Variants in NUDT3 observed in about 807,000 individuals in gnomAD.
NUDT3 encodes the protein diphosphoinositol polyphosphate phosphohydrolase 1.
In NUDT3, 9 loss-of-function variants were observed where a neutral mutation model predicts 23.6. The observed-to-expected ratio is 0.38, with a 90% confidence interval of 0.23 to 0.66. The LOEUF (loss-of-function observed/expected upper bound fraction) is 0.66, where lower values mean the gene tolerates loss of function less well. Among genes scored for constraint, NUDT3 ranks in the 30% least tolerant of loss-of-function variants. NUDT3 has a pLI of 0.52. For missense variants in NUDT3, 172 were observed against 218.5 expected, an observed-to-expected ratio of 0.79 and a Z score of 1.34; for synonymous variants, 86 against 82.6, an observed-to-expected ratio of 1.04 and a Z score of -0.22.
chr6:34,318,280 C>G (rs1336843832), intron 2 of NUDT3, among the ~76,000 whole-genome samples: 3 of 152,110 alleles, frequency 2.0e-5, no homozygotes, highest in Non-Finnish European at 4.4e-5. Context: ...TGCCCAGACT[C>G]TGGAAAAGAT....
At chr6:34,342,288 TCAA>T (rs1229203009) in intron 1 of NUDT3, among the ~76,000 whole-genome samples, 1 of 54,524 alleles carries the variant, frequency 1.8e-5, no homozygotes, top group Non-Finnish European at 3.4e-5. Flanking sequence ...ATAGAAGACT[TCAA>T]AAAAAAAAAA....
chr6:34,338,845 A>G (rs901340853), intron 2 of NUDT3, among the ~76,000 whole-genome samples: 4 of 152,268 alleles, frequency 2.6e-5, no homozygotes, highest in Non-Finnish European at 5.9e-5. Context: ...TATCATTCAC[A>G]GGGAATCTGG....
chr6:34,304,048 T>G (rs1331445883), intron 2 of NUDT3, among the ~76,000 whole-genome samples: 3 of 151,390 alleles, frequency 2.0e-5, no homozygotes, highest in Non-Finnish European at 4.4e-5. Context: ...AGGTCAGGAG[T>G]TCGAGAGTAG....
intron 1 of NUDT3, among the ~76,000 whole-genome samples, chr6:34,367,507 TGTAA>T (rs1156658203): frequency 2.3e-5 from 3 of 131,510 alleles, no homozygotes; most frequent in African/African-American, 8.1e-5. Context: ...GAAAAAAAAA[TGTAA>T]TAAATAAAAG....
chr6:34,358,272 C>T (rs1291892868), intron 1 of NUDT3, among the ~76,000 whole-genome samples: 2 of 151,816 alleles, frequency 1.3e-5, no homozygotes, highest in Non-Finnish European at 2.9e-5. Context: ...CACACACACA[C>T]ACACACACAC....
chr6:34,333,416 A>T (rs577152731), intron 2 of NUDT3, among the ~76,000 whole-genome samples: 3 of 152,242 alleles, frequency 2.0e-5, no homozygotes, highest in Non-Finnish European at 4.4e-5. Context: ...TAGTAACAAA[A>T]GAAACATACA....
At chr6:34,333,367 A>G in intron 2 of NUDT3, among the ~76,000 whole-genome samples, 1 of 152,236 alleles carries the variant, frequency 6.6e-6, no homozygotes, top group East Asian at 1.9e-4. Context: ...AAACTACTGA[A>G]TAATCTCAAT....
At chr6:34,313,787 C>G (rs1474367748) in intron 2 of NUDT3, among the ~76,000 whole-genome samples, 1 of 151,716 alleles carries the variant, frequency 6.6e-6, no homozygotes, top group Non-Finnish European at 1.5e-5. Flanking sequence ...ACAGTGAAAC[C>G]CTATCTCTAC....
chr6:34,288,612 T>A lies in NUDT3; in HGVS notation c.*141A>T. On this transcript the variant is annotated 3_prime_UTR_variant, in exon 5 of 5. Coordinates refer to ENST00000607016, the MANE Select transcript of NUDT3 (RefSeq NM_006703.4). ...CACTTAACACCAAACAGCAACATTA[T>A]CAATACACCCTTTCTTTGCTGCCCA... The A allele has an allele frequency of 2.6e-6, 3 of 1,149,890 alleles. No homozygotes were observed. The highest frequency in any genetic ancestry group is 3.6e-6 in the Non-Finnish European group (3 of 835,718). The allele number at this position is 1,149,890 out of a possible 1,614,324, so 71.2% of individuals were successfully genotyped here.
chr6:34,299,342 T>G (rs1203227081), intron 2 of NUDT3, among the ~76,000 whole-genome samples: 2 of 152,258 alleles, frequency 1.3e-5, no homozygotes, highest in Admixed American at 1.3e-4. Flanking sequence ...GAGTCTTTAT[T>G]TAAAAGTCCA....
chr6:34,302,145 C>T (rs1163304884), intron 2 of NUDT3, among the ~76,000 whole-genome samples: 2 of 151,898 alleles, frequency 1.3e-5, no homozygotes, highest in Non-Finnish European at 2.9e-5. Flanking sequence ...GATCCTCCTG[C>T]CTCAGCCTCC....
chr6:34,301,797 G>C (rs1763601874), intron 2 of NUDT3, among the ~76,000 whole-genome samples: 3 of 152,212 alleles, frequency 2.0e-5, no homozygotes, highest in South Asian at 4.1e-4. Flanking sequence ...CACAGGCAGT[G>C]TATGAGTTGC....
chr6:34,337,533 T>C (rs539314750), intron 2 of NUDT3, among the ~76,000 whole-genome samples: 12 of 152,334 alleles, frequency 7.9e-5, no homozygotes, highest in Admixed American at 2.6e-4. Context: ...AGAAGGATAG[T>C]ATGCAATTTC....
chr6:34,297,760 A>ATATATATATATTTTTTTT (rs1763535832), intron 2 of NUDT3, among the ~76,000 whole-genome samples: 5 of 53,620 alleles, frequency 9.3e-5, no homozygotes, highest in Non-Finnish European at 1.5e-4. Flanking sequence ...TATATATATA[A>ATATATATATATTTTTTTT]TTTTTTTTTT....
chr6:34,338,470 C>G (rs1561911394), intron 2 of NUDT3, among the ~76,000 whole-genome samples: 1 of 152,198 alleles, frequency 6.6e-6, no homozygotes, highest in Non-Finnish European at 1.5e-5. Context: ...ACTCTGTATT[C>G]TTGGTGAGAT....
At chr6:34,372,171 C>G (rs1475578926) in intron 1 of NUDT3, among the ~76,000 whole-genome samples, 1 of 152,134 alleles carries the variant, frequency 6.6e-6, no homozygotes, top group African/African-American at 2.4e-5. Flanking sequence ...GGTTCCAAGT[C>G]TTTGCTATTG....
intron 2 of NUDT3, among the ~76,000 whole-genome samples, chr6:34,311,353 G>A (rs1252398053): frequency 1.3e-5 from 2 of 151,990 alleles, no homozygotes. Flanking sequence ...CTCCTAAAGT[G>A]AAATAATTAG....
intron 1 of NUDT3, among the ~76,000 whole-genome samples, chr6:34,387,565 C>T (rs1765126241): frequency 1.3e-5 from 2 of 150,632 alleles, no homozygotes; most frequent in South Asian, 4.2e-4. Flanking sequence ...CCAGGCATGG[C>T]GGCATACACC....
intron 2 of NUDT3, among the ~76,000 whole-genome samples, chr6:34,304,975 ATTTTTT>A (rs535349190): frequency 2.3e-5 from 2 of 85,352 alleles, no homozygotes; most frequent in African/African-American, 5.1e-5. Flanking sequence ...CCCGGTCTGA[ATTTTTT>A]TTTTTTTTTT....
Sources: allele counts gnomAD v4.1 joint callset (sites outside exome capture counted in the v4.1 genomes callset), GRCh38; gene constraint gnomAD v4.1.1; transcripts MANE v1.5; gene names NCBI Gene and HGNC (gene_info 2026-07-23, HGNC 2026-07-21).